The following NOL10 variants were observed in gnomAD, a reference collection of about 807,000 sequenced individuals.
The protein encoded by NOL10 is nucleolar protein 10, also known as H_NH0074G24.1.
A neutral mutation model predicts 103.5 loss-of-function variants in NOL10; 58 were observed. The observed-to-expected ratio is 0.56, with a 90% confidence interval of 0.45 to 0.70. The LOEUF is 0.70. Ranked by LOEUF, NOL10 falls within the 30% of genes least tolerant of loss-of-function variation. NOL10 has a pLI of 0.00. For synonymous variants in NOL10, 287 were observed against 282.5 expected (o/e 1.02, Z -0.16); for missense variants, 763 against 807.3 (o/e 0.95, Z 0.67).
chr2:10,610,587 T>C (rs1055531565), intron 13 of NOL10, among the ~76,000 whole-genome samples: 2 of 152,214 alleles, frequency 1.3e-5, no homozygotes, highest in African/African-American at 4.8e-5. Context: ...TACACTGGTA[T>C]AAAATGCAGG....
Position 10,605,966 on chromosome 2 carries a change from T to C in NOL10, c.1153+1219A>G, listed in dbSNP as rs1676232930. On this transcript the variant is annotated intron_variant, in intron 14 of 20. Transcript: ENST00000381685. ...TCAACTGTTGTTGCACATCTATTTG[T>C]TCCAAAGACAACTAAGTTGCCTTGC... 3.3e-5 allele frequency among the ~76,000 whole-genome samples: 5 copies of C among 152,196 alleles called. 1 individual carries two copies. The South Asian group carries it at 1.0e-3, about 31-fold the overall frequency.
At chr2:10,616,208 C>T (rs1185208120) in intron 13 of NOL10, among the ~76,000 whole-genome samples, 1 of 146,682 alleles carries the variant, frequency 6.8e-6, no homozygotes, top group Non-Finnish European at 1.5e-5. Flanking sequence ...GTGGACAACA[C>T]CACCCTGCAT....
chr2:10,635,325 T>C (rs566374373), intron 13 of NOL10, among the ~76,000 whole-genome samples: 2 of 152,178 alleles, frequency 1.3e-5, no homozygotes, highest in Non-Finnish European at 2.9e-5. Context: ...ACCTCTACGT[T>C]CTCTATCGGC....
chr2:10,656,092 T>C (rs1199993708), intron 11 of NOL10, among the ~76,000 whole-genome samples: 1 of 152,210 alleles, frequency 6.6e-6, no homozygotes, highest in African/African-American at 2.4e-5. Flanking sequence ...GAAAGATACA[T>C]CCAGATTGCT....
chr2:10,617,979 A>T (rs1676918802), intron 13 of NOL10, among the ~76,000 whole-genome samples: 1 of 151,688 alleles, frequency 6.6e-6, no homozygotes, highest in African/African-American at 2.4e-5. Context: ...TTAGTGTGAC[A>T]CAACGTCATG....
chr2:10,594,313 C>G (rs757269072), intron 17 of NOL10, among the ~76,000 whole-genome samples: 10 of 152,176 alleles, frequency 6.6e-5, no homozygotes, highest in Non-Finnish European at 1.5e-4. Context: ...CTACCATACC[C>G]TCACATTGAC....
intron 20 of NOL10, among the ~76,000 whole-genome samples, chr2:10,575,000 G>A (rs999842984): frequency 1.3e-5 from 2 of 152,216 alleles, no homozygotes; most frequent in Admixed American, 6.5e-5. Flanking sequence ...AGGCCTTGCC[G>A]CCATGTGGCG....
chr2:10,582,112 C>T (rs981049674), intron 19 of NOL10, among the ~76,000 whole-genome samples: 2 of 152,128 alleles, frequency 1.3e-5, no homozygotes, highest in African/African-American at 4.8e-5. Flanking sequence ...AATTACTTTC[C>T]AGATTAGATT....
intron 2 of NOL10, among the ~76,000 whole-genome samples, chr2:10,684,030 G>C (rs1228916406): frequency 6.6e-6 from 1 of 152,108 alleles, no homozygotes; most frequent in Non-Finnish European, 1.5e-5. Context: ...TGTAATCCCA[G>C]CACTTTGGGA....
chr2:10,638,133 A>C (rs1678395650), intron 13 of NOL10, among the ~76,000 whole-genome samples: 1 of 152,080 alleles, frequency 6.6e-6, no homozygotes, highest in Non-Finnish European at 1.5e-5. Context: ...AAACAGCATA[A>C]AAATTAGCTG....
At chr2:10,593,459 G>T (rs1158343318) in intron 17 of NOL10, among the ~76,000 whole-genome samples, 1 of 152,076 alleles carries the variant, frequency 6.6e-6, no homozygotes, top group Admixed American at 6.6e-5. Flanking sequence ...TTCTTTCAAT[G>T]CTATGATACC....
chr2:10,602,896 T>C (rs1676055050), intron 15 of NOL10, 22 bp from the exon 16 acceptor site: 2 of 1,537,362 alleles, frequency 1.3e-6, no homozygotes, highest in African/African-American at 2.8e-5. Flanking sequence ...GAAAAAAGTT[T>C]TTAAAATAAA....
At chr2:10,662,886 T>C (rs1395220049) in intron 9 of NOL10, 73 bp downstream of exon 9, 16 of 1,128,322 alleles carry the variant, frequency 1.4e-5, no homozygotes, top group East Asian at 5.1e-5. Context: ...GCAATTTATT[T>C]GAATTTAATA....
At chr2:10,682,498 G>A (rs1681847268) in intron 2 of NOL10, among the ~76,000 whole-genome samples, 1 of 149,268 alleles carries the variant, frequency 6.7e-6, no homozygotes, top group Admixed American at 6.7e-5. Context: ...CTCCCGGGCT[G>A]AAGCGATCCT....
At chr2:10,587,146 TATACATATATACACATATATAC>T in intron 19 of NOL10, among the ~76,000 whole-genome samples, 2 of 42,538 alleles carry the variant, frequency 4.7e-5, no homozygotes, top group South Asian at 4.8e-4. Flanking sequence ...TACACATATA[TATACATATATACACATATATAC>T]ACATATATAT....
At chr2:10,642,633 T>G (rs1678776520) in intron 13 of NOL10, among the ~76,000 whole-genome samples, 1 of 151,770 alleles carries the variant, frequency 6.6e-6, no homozygotes, top group South Asian at 2.1e-4. Flanking sequence ...CACTCTACTG[T>G]CAAGATCCGA....
chr2:10,647,949 T>A (rs1416153511), intron 12 of NOL10, among the ~76,000 whole-genome samples: 1 of 152,220 alleles, frequency 6.6e-6, no homozygotes, highest in Non-Finnish European at 1.5e-5. Flanking sequence ...TCTACCATGG[T>A]TCTGAAACCA....
chr2:10,582,712 G>C (rs1026560418), intron 19 of NOL10, among the ~76,000 whole-genome samples: 1 of 152,034 alleles, frequency 6.6e-6, no homozygotes, highest in African/African-American at 2.4e-5. Flanking sequence ...TCCTTACCTG[G>C]TACTCGGGCC....
chr2:10,689,363 C>T (rs1682448246), intron 1 of NOL10, among the ~76,000 whole-genome samples: 1 of 152,204 alleles, frequency 6.6e-6, no homozygotes, highest in African/African-American at 2.4e-5. Flanking sequence ...GTCTGTATCT[C>T]CCTTGTTCAC....
Sources: allele counts gnomAD v4.1 joint callset (sites outside exome capture counted in the v4.1 genomes callset), GRCh38; gene constraint gnomAD v4.1.1; transcripts MANE v1.5; gene names NCBI Gene and HGNC (gene_info 2026-07-23, HGNC 2026-07-21).